SARNP: variants seen among roughly 807,000 people sequenced by gnomAD.
SARNP encodes SAP domain-containing ribonucleoprotein.
A neutral mutation model predicts 38.1 loss-of-function variants in SARNP; 5 were observed. That is an observed-to-expected ratio of 0.13 (90% confidence interval 0.07 to 0.28). The LOEUF (loss-of-function observed/expected upper bound fraction) is 0.28. SARNP is among the 10% of genes least tolerant of loss of function. The pLI, the probability that SARNP is intolerant of heterozygous loss-of-function variation, is 1.00. For synonymous variants in SARNP, 84 were observed against 80.6 expected (o/e 1.04, Z -0.23); for missense variants, 180 against 243.9 (o/e 0.74, Z 1.75).
intron 7 of SARNP, among the ~76,000 whole-genome samples, chr12:55,792,214 G>A (rs534290720): frequency 3.3e-5 from 5 of 151,838 alleles, no homozygotes; most frequent in South Asian, 2.1e-4. Context: ...TAGTGATAGC[G>A]GCCAGAATTT....
chr12:55,813,086 C>T (rs954766689), intron 1 of SARNP, among the ~76,000 whole-genome samples: 20 of 152,114 alleles, frequency 1.3e-4, no homozygotes, highest in African/African-American at 4.8e-4. Flanking sequence ...GCTGGGATTA[C>T]AAGTGCGCGC....
intron 9 of SARNP, among the ~76,000 whole-genome samples, chr12:55,786,002 AG>A (rs1565676791): frequency 2.0e-5 from 3 of 152,162 alleles, no homozygotes; most frequent in Non-Finnish European, 4.4e-5. Context: ...CTTACAGATG[AG>A]GATCAAAGAA....
At chr12:55,761,047 G>A (rs559280023) in intron 9 of SARNP, among the ~76,000 whole-genome samples, 8 of 151,936 alleles carry the variant, frequency 5.3e-5, no homozygotes, top group Middle Eastern at 3.4e-3. Flanking sequence ...TGTGGTGGCG[G>A]GCGCCTGTAA....
At chr12:55,789,943 CAAAAAAAAAA>C (rs1158181574) in intron 8 of SARNP, among the ~76,000 whole-genome samples, 2 of 45,776 alleles carry the variant, frequency 4.4e-5, no homozygotes, top group African/African-American at 1.6e-4. Flanking sequence ...AACTCCGTCT[CAAAAAAAAAA>C]AAAAAAAAAA....
At chr12:55,796,781 A>G (rs1375617998) in intron 4 of SARNP, among the ~76,000 whole-genome samples, 1 of 152,218 alleles carries the variant, frequency 6.6e-6, no homozygotes, top group Non-Finnish European at 1.5e-5. Context: ...CACAACAATT[A>G]ATAAGTACTC....
intron 1 of SARNP, among the ~76,000 whole-genome samples, chr12:55,816,241 T>A (rs1329603348): frequency 6.6e-6 from 1 of 152,256 alleles, no homozygotes; most frequent in African/African-American, 2.4e-5. Flanking sequence ...CTCTTCTATA[T>A]ATAGTTCCTT....
chr12:55,812,736 T>G (rs1880364240), intron 1 of SARNP, among the ~76,000 whole-genome samples: 1 of 152,280 alleles, frequency 6.6e-6, no homozygotes, highest in South Asian at 2.1e-4. Flanking sequence ...CTTGAAATTC[T>G]ACTACATCCT....
At chr12:55,807,238 T>C (rs1029503006) in intron 1 of SARNP, among the ~76,000 whole-genome samples, 1 of 152,230 alleles carries the variant, frequency 6.6e-6, no homozygotes, top group Non-Finnish European at 1.5e-5. Context: ...CAAACTGCTA[T>C]AAAACTTTCT....
At chr12:55,814,477 C>T (rs986254371) in intron 1 of SARNP, among the ~76,000 whole-genome samples, 1 of 152,186 alleles carries the variant, frequency 6.6e-6, no homozygotes, top group Non-Finnish European at 1.5e-5. Context: ...TCACTTTCTC[C>T]TCTCCTCTGC....
chr12:55,807,434 C>T (rs901899073), intron 1 of SARNP, among the ~76,000 whole-genome samples: 6 of 151,914 alleles, frequency 3.9e-5, no homozygotes, highest in African/African-American at 1.5e-4. Context: ...CCTTGTGAGG[C>T]CAAGGCGGGA....
At chr12:55,803,995 T>C (rs1335756498) in intron 1 of SARNP, among the ~76,000 whole-genome samples, 2 of 152,174 alleles carry the variant, frequency 1.3e-5, no homozygotes, top group Non-Finnish European at 2.9e-5. Context: ...CTACTAACTG[T>C]CACAAATCTC....
chr12:55,775,355 T>C (rs1437861306), intron 9 of SARNP, among the ~76,000 whole-genome samples: 1 of 105,238 alleles, frequency 9.5e-6, no homozygotes, highest in Non-Finnish European at 1.9e-5. Flanking sequence ...AAGTCAGGAG[T>C]TCGAGACCAG....
At chr12:55,776,821 AAG>A (rs1879196266) in intron 9 of SARNP, among the ~76,000 whole-genome samples, 1 of 152,234 alleles carries the variant, frequency 6.6e-6, no homozygotes, top group African/African-American at 2.4e-5. Flanking sequence ...CAAAAGAAAA[AAG>A]AAAAAACTCT....
At chr12:55,809,523 C>T (rs944104998) in intron 1 of SARNP, among the ~76,000 whole-genome samples, 79 of 151,458 alleles carry the variant, frequency 5.2e-4, no homozygotes, top group African/African-American at 1.5e-3. Flanking sequence ...GGGAGGTCGA[C>T]GCAGGAGGAT....
intron 1 of SARNP, among the ~76,000 whole-genome samples, chr12:55,817,151 G>C (rs903603754): frequency 6.6e-6 from 1 of 152,108 alleles, no homozygotes; most frequent in African/African-American, 2.4e-5. Flanking sequence ...TCAAAATTCG[G>C]CTTGGGGCGT....
chr12:55,782,325 T>C (rs1258793421), intron 9 of SARNP, among the ~76,000 whole-genome samples: 1 of 152,222 alleles, frequency 6.6e-6, no homozygotes, highest in Non-Finnish European at 1.5e-5. Context: ...GTTTTCTGCT[T>C]AGTGCCTGGG....
intron 1 of SARNP, among the ~76,000 whole-genome samples, chr12:55,811,537 T>G (rs755395235): frequency 3.2e-4 from 48 of 152,098 alleles, no homozygotes; most frequent in Non-Finnish European, 5.4e-4. Context: ...GCCACTACAC[T>G]CCAGCCTGGG....
At chr12:55,753,585 C>T (rs770259301), downstream of SARNP, 2 of 152,000 alleles carry the variant, frequency 1.3e-5, no homozygotes, top group African/African-American at 4.8e-5. Flanking sequence ...TGCTGGCCAA[C>T]ATTGTGAAAC....
chr12:55,794,496 T>TG, intron 6 of SARNP, 109 bp from the exon 7 acceptor site: 1 of 953,652 alleles, frequency 1.0e-6, no homozygotes, highest in Non-Finnish European at 1.6e-6. Context: ...TCTCAAGCCT[T>TG]GCAATCATTA....
Sources: gnomAD v4.1 joint callset for allele counts (sites outside exome capture counted in the v4.1 genomes callset) on GRCh38, gnomAD v4.1.1 for gene constraint, MANE v1.5 for transcripts, NCBI Gene and HGNC (gene_info 2026-07-23, HGNC 2026-07-21) for gene names.